The following EFCAB6 variants were observed in gnomAD, a reference collection of about 807,000 sequenced individuals.
The protein encoded by EFCAB6 is EF-hand calcium-binding domain-containing protein 6.
A neutral mutation model predicts 169.8 loss-of-function variants in EFCAB6; 156 were observed. The ratio of observed to expected loss-of-function variants is 0.92; its 90% CI spans 0.81 to 1.05. The LOEUF (loss-of-function observed/expected upper bound fraction) is 1.05. EFCAB6 is among the 50% of genes least tolerant of loss of function. EFCAB6 has a pLI of 0.00. For synonymous variants in EFCAB6, 698 were observed against 676.4 expected, an observed-to-expected ratio of 1.03 and a Z score of -0.50; for missense variants, 1,800 against 1,829.1, an observed-to-expected ratio of 0.98 and a Z score of 0.29.
chr22:43,558,911 A>C (rs2048863710), intron 26 of EFCAB6, among the ~76,000 whole-genome samples: 1 of 152,202 alleles, frequency 6.6e-6, no homozygotes, highest in African/African-American at 2.4e-5. Flanking sequence ...CAAACCTGCA[A>C]AGTCTCTGAG....
At chr22:43,726,010 GC>G (rs1318702007) in intron 8 of EFCAB6, among the ~76,000 whole-genome samples, 1 of 152,146 alleles carries the variant, frequency 6.6e-6, no homozygotes, top group African/African-American at 2.4e-5. Flanking sequence ...TTAGGAGGCA[GC>G]AATGAGAATG....
At chr22:43,545,445 C>A (rs76068336) in intron 27 of EFCAB6, among the ~76,000 whole-genome samples, 46 of 152,322 alleles carry the variant, frequency 3.0e-4, no homozygotes, top group African/African-American at 1.1e-3. Flanking sequence ...TATTTAAATT[C>A]ATTGCAAAGT....
chr22:43,632,780 G>A (rs879402085), intron 18 of EFCAB6, among the ~76,000 whole-genome samples: 2 of 152,122 alleles, frequency 1.3e-5, no homozygotes, highest in Non-Finnish European at 2.9e-5. Flanking sequence ...GCAGACTGTG[G>A]GGCCTCCTTT....
intron 12 of EFCAB6, among the ~76,000 whole-genome samples, chr22:43,682,953 AC>A (rs1569378527): frequency 1.3e-5 from 2 of 152,144 alleles, no homozygotes; most frequent in Non-Finnish European, 2.9e-5. Flanking sequence ...ACAGCAAACC[AC>A]AAACCTGGAA....
At chr22:43,733,408 A>C (rs1317139860) in intron 7 of EFCAB6, among the ~76,000 whole-genome samples, 1 of 152,238 alleles carries the variant, frequency 6.6e-6, no homozygotes, top group East Asian at 1.9e-4. Context: ...ACTGGCCTCC[A>C]GGGCAGTGGA....
chr22:43,710,052 T>C lies in EFCAB6; in HGVS notation c.1031+1423A>G, dbSNP rs1209644080. ...AGGCACCTATCAATTACCCACAGTT[T>C]GACAGGACAATCTTTCCATTAGCTT... is the stretch of plus-strand genomic sequence containing the variant. On this transcript the variant is annotated intron_variant, in intron 10 of 31. Coordinates refer to ENST00000262726, the MANE Select transcript of EFCAB6 (RefSeq NM_022785.4). Among the ~76,000 whole-genome samples the C allele has an allele frequency of 2.0e-5, 3 of 152,338 alleles. No individual in the cohort carries two copies. The East Asian group carries it at 5.8e-4, about 29-fold the overall frequency.
At position 43,554,983 on chromosome 22, in the gene EFCAB6, G is replaced by A. The variant is rs759502408; in HGVS notation, c.3534C>T (p.Tyr1178=). The A allele has an allele frequency of 1.7e-5, 27 of 1,614,098 alleles. No homozygotes were observed. Among genetic ancestry groups the A allele is most frequent in the Non-Finnish European group, 2.3e-5 (27 of 1,180,048 alleles). The change falls in exon 27 of 32, where the codon TAC becomes TAT. Residue 1178 remains tyrosine, a synonymous_variant. Transcript: ENST00000262726. ...TCTCAAACTCCTGGGTGATGGCATG[G>A]TAATGGGAAGTCACTGCTTTGTGGA... The part of the protein sequence containing the change: ...ARLHKAVTSH[Y]HAITQEFENF...
In EFCAB6 at chr22:43,633,710, G is replaced by T. The variant is rs561261504; in HGVS notation, c.2098+1392C>A. On this transcript the variant is annotated intron_variant, in intron 18 of 31. Transcript: ENST00000262726. The stretch of plus-strand genomic sequence containing the variant: ...GGTTCTCTGCACCTGTTGCTCCTGC[G>T]CCCTCCCCACGGTGTGGTGGGCAGA... Among the ~76,000 whole-genome samples the T allele has an allele frequency of 4.6e-5, 7 of 152,268 alleles. No individual in the cohort carries two copies. The South Asian group carries it at 1.5e-3, about 32-fold the overall frequency.
At chr22:43,587,283 A>G (rs1247095796) in intron 24 of EFCAB6, among the ~76,000 whole-genome samples, 1 of 152,174 alleles carries the variant, frequency 6.6e-6, no homozygotes, top group Non-Finnish European at 1.5e-5. Context: ...CAAGGTAGGG[A>G]GGGTTCTTAA....
chr22:43,728,838 T>C (rs983087011), intron 8 of EFCAB6, among the ~76,000 whole-genome samples: 2 of 152,362 alleles, frequency 1.3e-5, no homozygotes, highest in East Asian at 3.9e-4. Context: ...ATTGCAAAAT[T>C]GTCCTCCCAT....
At chr22:43,778,795 G>A (rs1409331779) in intron 3 of EFCAB6, among the ~76,000 whole-genome samples, 2 of 152,168 alleles carry the variant, frequency 1.3e-5, no homozygotes, top group African/African-American at 4.8e-5. Context: ...AGCTCACCTC[G>A]CTAGAAACCT....
intron 26 of EFCAB6, chr22:43,569,958 A>G (rs1162418327): frequency 1.3e-5 from 2 of 152,256 alleles, no homozygotes; most frequent in Admixed American, 1.3e-4. Flanking sequence ...ATTCTTTACC[A>G]TATTCATTGA....
intron 8 of EFCAB6, among the ~76,000 whole-genome samples, chr22:43,726,049 T>A (rs73888088): frequency 0.022 from 3,393 of 152,178 alleles, 115 homozygotes; most frequent in African/African-American, 0.078. Context: ...AACAGGAATA[T>A]ACAGAATGAC....
chr22:43,617,728 A>G (rs1442589871), intron 20 of EFCAB6, among the ~76,000 whole-genome samples: 1 of 152,190 alleles, frequency 6.6e-6, no homozygotes, highest in African/African-American at 2.4e-5. Context: ...CTGCAGACAC[A>G]ATGACTAGCA....
chr22:43,772,637 G>T (rs2061508135), intron 4 of EFCAB6, among the ~76,000 whole-genome samples: 1 of 65,130 alleles, frequency 1.5e-5, no homozygotes, highest in African/African-American at 6.2e-5. Flanking sequence ...GTGAAATTCT[G>T]TCTCAAAAAA....
intron 21 of EFCAB6, among the ~76,000 whole-genome samples, chr22:43,610,391 A>G (rs925011571): frequency 2.0e-5 from 3 of 152,224 alleles, no homozygotes; most frequent in Non-Finnish European, 4.4e-5. Context: ...TTCACAATCA[A>G]GGAAACCTGA....
intron 6 of EFCAB6, among the ~76,000 whole-genome samples, chr22:43,740,748 C>T (rs1461288487): frequency 1.3e-5 from 2 of 152,200 alleles, no homozygotes; most frequent in East Asian, 1.9e-4. Context: ...TGCCTCTGTC[C>T]TCCACTCCAC....
intron 10 of EFCAB6, among the ~76,000 whole-genome samples, chr22:43,697,499 A>G (rs1386430066): frequency 1.3e-5 from 2 of 152,202 alleles, no homozygotes; most frequent in Middle Eastern, 3.2e-3. Context: ...CATTTATGGT[A>G]GTTCTTTTTT....
chr22:43,683,767 C>G lies in EFCAB6; in HGVS notation c.1231G>C (p.Ala411Pro), dbSNP rs1013081451. 8.1e-6 allele frequency: 13 copies of G among 1,611,920 alleles called. No individual in the cohort carries two copies. The highest frequency in any genetic ancestry group is 1.0e-5 in the Non-Finnish European group (12 of 1,178,208). The change falls in exon 12 of 32, where the codon GCA (alanine) becomes CCA (proline). Residue 411 changes from alanine to proline, a missense_variant. Physicochemically the swap from Ala to Pro is conservative, Grantham distance 27. Coordinates refer to ENST00000262726, the MANE Select transcript of EFCAB6 (RefSeq NM_022785.4). ...CTTACAGTGTTGATTATCAGTAATG[C>G]TTTCTTCAGTGACGCAGAGTGATCT... is the stretch of plus-strand genomic sequence containing the variant. ...TEDHSASLKK[A>P]LLIINTKPDG... is the part of the protein sequence containing the mutation.
Sources: allele counts gnomAD v4.1 joint callset (sites outside exome capture counted in the v4.1 genomes callset), GRCh38; gene constraint gnomAD v4.1.1; transcripts MANE v1.5; gene names NCBI Gene and HGNC (gene_info 2026-07-23, HGNC 2026-07-21).